Variants in FGF12 observed in about 807,000 individuals in gnomAD.
FGF12 encodes the protein fibroblast growth factor 12.
A neutral mutation model predicts 23.6 loss-of-function variants in FGF12; 14 were observed. That is an observed-to-expected ratio of 0.59 (90% CI 0.39 to 0.93). FGF12 has a LOEUF of 0.93. Among genes scored for constraint, FGF12 ranks in the 40% least tolerant of loss-of-function variants. The probability of loss-of-function intolerance (pLI) is 0.00; values close to 1 mark genes in which losing one functional copy is unlikely to be tolerated. For synonymous variants in FGF12, 62 were observed against 77.3 expected (o/e 0.80, Z 1.04); for missense variants, 175 against 217.8 (o/e 0.80, Z 1.24).
chr3:192,649,606 AAT>A (rs1402567609), intron 2 of FGF12, among the ~76,000 whole-genome samples: 1 of 151,932 alleles, frequency 6.6e-6, no homozygotes, highest in Non-Finnish European at 1.5e-5. Flanking sequence ...TCCAGGATGG[AAT>A]ACAGTGCCAT....
intron 2 of FGF12, among the ~76,000 whole-genome samples, chr3:192,570,745 C>T (rs781407): frequency 0.24 from 35,796 of 152,046 alleles, 5,286 homozygotes; most frequent in Non-Finnish European, 0.32. Context: ...ATTGTTTTAT[C>T]TTTTCATAAA....
intron 4 of FGF12, among the ~76,000 whole-genome samples, chr3:192,243,416 G>C (rs1230652066): frequency 1.3e-5 from 2 of 151,780 alleles, no homozygotes; most frequent in Non-Finnish European, 2.9e-5. Flanking sequence ...AACAGCCTGG[G>C]TAGTACAGAA....
chr3:192,629,436 C>G (rs1715303593), intron 2 of FGF12, among the ~76,000 whole-genome samples: 1 of 152,150 alleles, frequency 6.6e-6, no homozygotes, highest in African/African-American at 2.4e-5. Context: ...TTCAGAAAAG[C>G]CTCATAAAAT....
At chr3:192,424,771 C>T (rs1444620478) in intron 2 of FGF12, among the ~76,000 whole-genome samples, 1 of 152,156 alleles carries the variant, frequency 6.6e-6, no homozygotes, top group Non-Finnish European at 1.5e-5. Context: ...GAGACACACA[C>T]ACAAACACAC....
intron 2 of FGF12, among the ~76,000 whole-genome samples, chr3:192,667,573 T>G (rs1295820192): frequency 1.4e-4 from 18 of 132,540 alleles, no homozygotes; most frequent in Admixed American, 7.1e-4. Context: ...TCGCTGCCAC[T>G]GCACTCCAGC....
chr3:192,569,425 G>C (rs953896482), intron 2 of FGF12, among the ~76,000 whole-genome samples: 1 of 152,176 alleles, frequency 6.6e-6, no homozygotes, highest in Non-Finnish European at 1.5e-5. Context: ...GTATTCCTAT[G>C]TTTTCACATT....
At chr3:192,495,369 T>C (rs1467010063) in intron 2 of FGF12, among the ~76,000 whole-genome samples, 8 of 152,164 alleles carry the variant, frequency 5.3e-5, no homozygotes, top group Admixed American at 2.0e-4. Flanking sequence ...TAGTAGAATA[T>C]GAATGTTTTT....
At chr3:192,394,583 C>T (rs111962698) in intron 2 of FGF12, among the ~76,000 whole-genome samples, 1 of 152,074 alleles carries the variant, frequency 6.6e-6, no homozygotes, top group African/African-American at 2.4e-5. Context: ...TTGATAGTAA[C>T]CCTTTCATGC....
rs56262051 is a variant in FGF12, at chr3:192,207,366, G to A, written c.229-36710C>T. On this transcript the variant is annotated intron_variant, in intron 4 of 5. Transcript: ENST00000445105. The stretch of plus-strand genomic sequence containing the variant: ...TAATGAGTTCTCTCAGATGTGAGCA[G>A]ATTGCTATGACAATAAAGAGGCAGA... Among the ~76,000 whole-genome samples, 832 of 152,326 alleles carry A rather than the reference G, an allele frequency of 5.5e-3. 5 individuals carry two copies. Among genetic ancestry groups the A allele is most frequent in the Non-Finnish European group, 7.6e-3 (519 of 68,042 alleles).
chr3:192,382,837 T>C (rs144703686), intron 2 of FGF12, among the ~76,000 whole-genome samples: 1 of 152,312 alleles, frequency 6.6e-6, no homozygotes, highest in African/African-American at 2.4e-5. Flanking sequence ...TGAGGAGTAA[T>C]GGCAAGTCAT....
At chr3:192,327,737 T>C (rs775971259) in intron 4 of FGF12, among the ~76,000 whole-genome samples, 8 of 152,044 alleles carry the variant, frequency 5.3e-5, no homozygotes, top group Admixed American at 2.0e-4. Flanking sequence ...TTTTGCTCTA[T>C]TGCCCAGGCT....
intron 2 of FGF12, among the ~76,000 whole-genome samples, chr3:192,665,169 T>C (rs1716818669): frequency 6.6e-6 from 1 of 152,132 alleles, no homozygotes; most frequent in Non-Finnish European, 1.5e-5. Flanking sequence ...TACACATTAG[T>C]AATAGGATGG....
At chr3:192,507,138 C>T (rs891184140) in intron 2 of FGF12, among the ~76,000 whole-genome samples, 11 of 151,936 alleles carry the variant, frequency 7.2e-5, no homozygotes, top group African/African-American at 9.7e-5. Flanking sequence ...GTGATCTGCC[C>T]GCCTCGGCCT....
At chr3:192,292,398 G>T (rs1248669622) in intron 4 of FGF12, among the ~76,000 whole-genome samples, 1 of 151,840 alleles carries the variant, frequency 6.6e-6, no homozygotes, top group South Asian at 2.1e-4. Flanking sequence ...AAGAGAATTC[G>T]TGATAATTTA....
intron 2 of FGF12, among the ~76,000 whole-genome samples, chr3:192,678,063 T>TTAATTATA (rs1717391318): frequency 6.6e-6 from 1 of 152,206 alleles, no homozygotes; most frequent in African/African-American, 2.4e-5. Context: ...TTTTGGGTTT[T>TTAATTATA]CAATTATACA....
chr3:192,656,474 C>G (rs13089091), intron 2 of FGF12, among the ~76,000 whole-genome samples: 3,491 of 152,260 alleles, frequency 0.023, 48 homozygotes, highest in Middle Eastern at 0.065. Flanking sequence ...CAGTGGTTCT[C>G]AGCCGGGGTG....
chr3:192,268,770 G>A (rs1394796045), intron 4 of FGF12: 1 of 391,402 alleles, frequency 2.6e-6, no homozygotes, highest in South Asian at 1.9e-5. Flanking sequence ...CAAAACTATT[G>A]TCTTCATAAA....
chr3:192,278,829 A>C (rs1407327981), intron 4 of FGF12, among the ~76,000 whole-genome samples: 1 of 152,144 alleles, frequency 6.6e-6, no homozygotes, highest in African/African-American at 2.4e-5. Context: ...ATTCTTACTG[A>C]AGTACCAATC....
intron 2 of FGF12, among the ~76,000 whole-genome samples, chr3:192,381,479 G>T (rs1454662384): frequency 6.6e-6 from 1 of 152,094 alleles, no homozygotes; most frequent in Non-Finnish European, 1.5e-5. Context: ...TAGTGTCCTC[G>T]TGAAATTGAC....
Sources: gnomAD v4.1 joint callset for allele counts (sites outside exome capture counted in the v4.1 genomes callset) on GRCh38, gnomAD v4.1.1 for gene constraint, MANE v1.5 for transcripts, NCBI Gene and HGNC (gene_info 2026-07-23, HGNC 2026-07-21) for gene names.